The following TOGARAM2 variants were observed in gnomAD, a reference collection of about 807,000 sequenced individuals.
TOGARAM2 encodes TOG array regulator of axonemal microtubules protein 2.
TOGARAM2 carries 85 observed loss-of-function variants against 93.3 expected under a neutral mutation model. The ratio of observed to expected loss-of-function variants is 0.91; its 90% CI spans 0.76 to 1.09. The LOEUF (loss-of-function observed/expected upper bound fraction) is 1.09. TOGARAM2 is among the 50% of genes least tolerant of loss of function. The probability of loss-of-function intolerance (pLI) is 0.00; values close to 1 mark genes in which losing one functional copy is unlikely to be tolerated. For missense variants in TOGARAM2, 1,277 were observed against 1,334.5 expected (o/e 0.96, Z 0.67); for synonymous variants, 593 against 552.8 (o/e 1.07, Z -1.02).
chr2:29,005,415 G>T (rs1673671106), intron 6 of TOGARAM2, among the ~76,000 whole-genome samples: 1 of 146,852 alleles, frequency 6.8e-6, no homozygotes, highest in African/African-American at 2.6e-5. Flanking sequence ...GTGTGTGCGT[G>T]TGTGAGAGCA....
chr2:28,990,370 C>T (rs537019045), intron 1 of TOGARAM2, among the ~76,000 whole-genome samples: 1 of 152,274 alleles, frequency 6.6e-6, no homozygotes, highest in South Asian at 2.1e-4. Context: ...CAGATAATGC[C>T]ATTCCTCTCC....
At chr2:29,035,180 A>T (rs1666011413) in intron 16 of TOGARAM2, among the ~76,000 whole-genome samples, 1 of 149,400 alleles carries the variant, frequency 6.7e-6, no homozygotes, top group African/African-American at 2.5e-5. Context: ...AATGTGTACC[A>T]GTCATTCTTT....
Position 29,017,247 on chromosome 2 carries a change from A to G in TOGARAM2, c.1138A>G (p.Thr380Ala). Residue 380 changes from threonine to alanine, a missense_variant, in exon 9 of 20, where the codon ACA becomes GCA. Coordinates refer to ENST00000379558, the MANE Select transcript of TOGARAM2 (RefSeq NM_199280.4). ...GCTTCGGAGGCTGGAGGAGCCCAGG[A>G]CAGGGCAGGAGCTCACTTCCCAGTG... ...ELLRRLEEPR[T>A]GQELTSQCLG... The G allele has an allele frequency of 6.2e-7, 1 of 1,613,948 alleles. No individual in the cohort carries two copies.
intron 16 of TOGARAM2, 34 bp from the exon 17 acceptor site, chr2:29,035,430 C>T: frequency 7.5e-7 from 1 of 1,325,660 alleles, no homozygotes; most frequent in Non-Finnish European, 9.7e-7. Context: ...CGGGCTCTTC[C>T]CTGGGGGGTT....
At chr2:29,006,444 A>C (rs1052354452) in intron 6 of TOGARAM2, among the ~76,000 whole-genome samples, 1 of 143,546 alleles carries the variant, frequency 7.0e-6, no homozygotes, top group Non-Finnish European at 1.5e-5. Flanking sequence ...ATGTGTGTGC[A>C]TGTGTATCTG....
At chr2:28,965,545 G>T (rs74422847) in intron 1 of TOGARAM2, among the ~76,000 whole-genome samples, 1,921 of 152,280 alleles carry the variant, frequency 0.013, 43 homozygotes, top group African/African-American at 0.042. Context: ...TTTCTGAATA[G>T]TTGGGACTCA....
At chr2:29,045,520 C>G in intron 19 of TOGARAM2, 110 bp downstream of exon 19, 2 of 923,600 alleles carry the variant, frequency 2.2e-6, no homozygotes, top group South Asian at 1.4e-5. Context: ...TAATCCCCCC[C>G]AATCATTTAA....
Position 29,021,908 on chromosome 2 carries a change from C to T in TOGARAM2, c.1361-250C>T, listed in dbSNP as rs574554210. On this transcript the variant is annotated intron_variant, in intron 10 of 19. Transcript: ENST00000379558. ...TTATCACAAATCTGTTTATAAGAAT[C>T]GCATTGGCAAGGGCAGGAAGGGGAA... Among the ~76,000 whole-genome samples the T allele has an allele frequency of 5.3e-5, 8 of 152,292 alleles. 1 individual carries two copies. In the East Asian group the frequency reaches 9.7e-4, roughly 18 times the overall value.
chr2:29,001,348 AT>A (rs150089143), intron 4 of TOGARAM2, among the ~76,000 whole-genome samples: 10 of 149,752 alleles, frequency 6.7e-5, no homozygotes, highest in East Asian at 3.9e-4. Flanking sequence ...TTTTTTTTTA[AT>A]TTTTTTTTTC....
In TOGARAM2 at chr2:29,026,840, G is replaced by C. The variant is rs753125249; in HGVS notation, c.1854-13G>C. ...ATCCTGAGACTGACCCCTGGGCCAT[G>C]ATTTCCTTTCAGCCACCGGAACCCC... On this transcript the variant is annotated splice_polypyrimidine_tract_variant and intron_variant, in intron 13 of 19. Transcript: ENST00000379558. 20 of 1,575,036 alleles carry C rather than the reference G, an allele frequency of 1.3e-5. No homozygotes were observed. The highest frequency in any genetic ancestry group is 1.7e-5 in the Non-Finnish European group (20 of 1,157,614).
At chr2:29,001,992 T>A (rs905672385) in intron 4 of TOGARAM2, among the ~76,000 whole-genome samples, 1 of 152,102 alleles carries the variant, frequency 6.6e-6, no homozygotes, top group Admixed American at 6.5e-5. Flanking sequence ...CACAGGGCGC[T>A]GAAGATGTCT....
At position 29,015,276 on chromosome 2, in the gene TOGARAM2, C is replaced by T. The variant is rs183879322; in HGVS notation, c.1044+715C>T. Among the ~76,000 whole-genome samples, 81 of 152,292 alleles carry T rather than the reference C, an allele frequency of 5.3e-4. 1 individual carries two copies. In the East Asian group the frequency reaches 0.014, roughly 26 times the overall value. On this transcript the variant is annotated intron_variant, in intron 8 of 19. Transcript: ENST00000379558. ...CAAACAATGATTCAGTGCAGCGAAACGAGCTGATCCTCCACCCCACTTCTG... is the reference window on the plus strand; with the variant it reads ...CAAACAATGATTCAGTGCAGCGAAATGAGCTGATCCTCCACCCCACTTCTG...
chr2:29,022,248 C>T lies in TOGARAM2; in HGVS notation c.1451C>T (p.Pro484Leu). Residue 484 changes from proline to leucine, a missense_variant, in exon 11 of 20, where the codon CCT becomes CTT. Transcript: ENST00000379558. ...MDLRACKELR[P>L]FSNPELGLRD... ...CTTAGAGCCTGTAAGGAGTTGAGGC[C>T]TTTCTCGAACCCGGAGCTGGGGCTG... 3 of 1,614,030 alleles carry T rather than the reference C, an allele frequency of 1.9e-6. No individual in the cohort carries two copies. The highest frequency in any genetic ancestry group is 2.5e-6 in the Non-Finnish European group (3 of 1,179,892).
chr2:28,967,715 C>T (rs2148218925), intron 1 of TOGARAM2, among the ~76,000 whole-genome samples: 1 of 151,752 alleles, frequency 6.6e-6, no homozygotes, highest in East Asian at 1.9e-4. Flanking sequence ...AACTGCTTAC[C>T]TTCCACGAGT....
intron 6 of TOGARAM2, among the ~76,000 whole-genome samples, chr2:29,005,012 A>ATG (rs528562406): frequency 0.084 from 7,518 of 89,624 alleles, 1,997 homozygotes; most frequent in African/African-American, 0.24. Flanking sequence ...GTGCATGTGT[A>ATG]TGTGTGAGTG....
intron 1 of TOGARAM2, among the ~76,000 whole-genome samples, chr2:28,993,497 C>T (rs1672839205): frequency 6.6e-6 from 1 of 152,202 alleles, no homozygotes; most frequent in African/African-American, 2.4e-5. Flanking sequence ...TCTTCCCTCG[C>T]CTTGTCTAGG....
At chr2:28,972,697 A>G (rs1368255528) in intron 1 of TOGARAM2, among the ~76,000 whole-genome samples, 2 of 152,188 alleles carry the variant, frequency 1.3e-5, no homozygotes, top group African/African-American at 4.8e-5. Flanking sequence ...GCATGATTCC[A>G]GACCACAGCT....
chr2:28,960,947 A>G (rs535149129), intron 1 of TOGARAM2, among the ~76,000 whole-genome samples: 1 of 152,374 alleles, frequency 6.6e-6, no homozygotes, highest in East Asian at 1.9e-4. Flanking sequence ...ACAAGACATC[A>G]AAGGTGATGC....
intron 1 of TOGARAM2, among the ~76,000 whole-genome samples, chr2:28,968,672 A>G (rs1037762647): frequency 6.6e-6 from 1 of 152,074 alleles, no homozygotes; most frequent in African/African-American, 2.4e-5. Context: ...AAAAAATATT[A>G]GCTGAGCATG....
Sources: gnomAD v4.1 joint callset for allele counts (sites outside exome capture counted in the v4.1 genomes callset) on GRCh38, gnomAD v4.1.1 for gene constraint, MANE v1.5 for transcripts, NCBI Gene and HGNC (gene_info 2026-07-23, HGNC 2026-07-21) for gene names.